The following PIP4P2 variants were observed in gnomAD, a reference collection of about 807,000 sequenced individuals.
The protein encoded by PIP4P2 is phosphatidylinositol-4,5-bisphosphate 4-phosphatase 2.
Under a neutral mutation model 33.3 loss-of-function variants are expected in PIP4P2, and 19 were observed. The ratio of observed to expected loss-of-function variants is 0.57; its 90% confidence interval spans 0.40 to 0.84. The LOEUF (loss-of-function observed/expected upper bound fraction) is 0.84, where lower values mean the gene tolerates loss of function less well. PIP4P2 is among the 40% of genes least tolerant of loss of function. PIP4P2 has a pLI of 0.00. For missense variants in PIP4P2, 270 were observed against 324.7 expected (o/e 0.83, Z 1.29); for synonymous variants, 110 against 111.9 (o/e 0.98, Z 0.11).
At chr8:91,018,935 T>A (rs1394125966) in intron 3 of PIP4P2, among the ~76,000 whole-genome samples, 1 of 152,146 alleles carries the variant, frequency 6.6e-6, no homozygotes, top group Non-Finnish European at 1.5e-5. Context: ...CTCTGAGCAG[T>A]GTGATATTCC....
chr8:91,010,114 C>A lies in PIP4P2; in HGVS notation c.487-1319G>T, dbSNP rs370615487. Among the ~76,000 whole-genome samples, 272 of 151,724 alleles carry A rather than the reference C, an allele frequency of 1.8e-3. 2 individuals carry two copies. The highest frequency in any genetic ancestry group is 0.01 in the Middle Eastern group (3 of 294). Reference sequence around the variant, plus strand: ...TAAAACTGCTCTTAAAGTAAAAATTCTTGAGTTAATGTGCTAAACAGATAT... The same window carrying A: ...TAAAACTGCTCTTAAAGTAAAAATTATTGAGTTAATGTGCTAAACAGATAT... On this transcript the variant is annotated intron_variant, in intron 4 of 6. Coordinates refer to ENST00000285419, the MANE Select transcript of PIP4P2 (RefSeq NM_018710.3).
chr8:91,031,743 T>C (rs184219121), intron 1 of PIP4P2, among the ~76,000 whole-genome samples: 186 of 152,346 alleles, frequency 1.2e-3, no homozygotes, highest in Non-Finnish European at 1.2e-4. Flanking sequence ...TTCAATATAT[T>C]ATCTTTCTCA....
chr8:91,026,417 T>C (rs1287799008), intron 1 of PIP4P2, among the ~76,000 whole-genome samples: 1 of 152,136 alleles, frequency 6.6e-6, no homozygotes, highest in Non-Finnish European at 1.5e-5. Flanking sequence ...AGAGTTTCTC[T>C]AGAGTTCAGA....
intron 6 of PIP4P2, 29 bp from the exon 7 acceptor site, chr8:90,995,849 A>G (rs374430449): frequency 7.6e-6 from 12 of 1,577,704 alleles, no homozygotes; most frequent in Non-Finnish European, 1.0e-5. Context: ...TAAAAACAAA[A>G]TATTAGAAAC....
intron 4 of PIP4P2, among the ~76,000 whole-genome samples, chr8:91,012,192 C>T (rs563973572): frequency 6.6e-6 from 1 of 152,008 alleles, no homozygotes; most frequent in Non-Finnish European, 1.5e-5. Flanking sequence ...TATTAGCATA[C>T]TCATATTATG....
At position 91,021,396 on chromosome 8, in the gene PIP4P2, G is replaced by T. The variant is rs1242573098; in HGVS notation, c.115C>A (p.Pro39Thr). The change falls in exon 2 of 7, where the codon CCA becomes ACA. Residue 39 changes from proline to threonine, a missense_variant. By Grantham distance (38) the Pro-to-Thr change is conservative. Transcript: ENST00000285419. Reference protein sequence around the residue: ...LQESSPRAELPPPYTAIASPD... With the variant: ...LQESSPRAELTPPYTAIASPD... The stretch of plus-strand genomic sequence containing the variant: ...CTGGCAATGGCTGTATATGGAGGTG[G>T]GAGCTCCGCTGAAAAGATATTAGTC... 1 of 1,613,516 alleles carries T rather than the reference G, an allele frequency of 6.2e-7. No individual in the cohort carries two copies. Among genetic ancestry groups the T allele is most frequent in the East Asian group, 2.2e-5 (1 of 44,878 alleles).
In PIP4P2 at chr8:90,996,638, A is replaced by G; in HGVS notation, c.630+16T>C. The stretch of plus-strand genomic sequence containing the variant: ...GTTGAGAGGACAGAATTCTAACATC[A>G]AAGTGTAACACTCACAGTTAACCCA... On this transcript the variant is annotated intron_variant, in intron 6 of 6. Coordinates refer to ENST00000285419, the MANE Select transcript of PIP4P2 (RefSeq NM_018710.3). The G allele has an allele frequency of 6.3e-7, 1 of 1,593,908 alleles. No homozygotes were observed. Among genetic ancestry groups the G allele is most frequent in the Non-Finnish European group, 8.6e-7 (1 of 1,168,060 alleles).
At chr8:91,037,696 T>A (rs1812250749) in intron 1 of PIP4P2, among the ~76,000 whole-genome samples, 1 of 152,232 alleles carries the variant, frequency 6.6e-6, no homozygotes, top group South Asian at 2.1e-4. Context: ...TGCCTCTGTA[T>A]AACAAATTAT....
At chr8:90,999,660 G>A (rs977244374) in intron 5 of PIP4P2, among the ~76,000 whole-genome samples, 2 of 152,036 alleles carry the variant, frequency 1.3e-5, no homozygotes, top group Non-Finnish European at 2.9e-5. Flanking sequence ...CTAATAAAAG[G>A]AAGGAGAAAA....
intron 1 of PIP4P2, among the ~76,000 whole-genome samples, chr8:91,029,358 A>C (rs1812127924): frequency 6.6e-6 from 1 of 152,046 alleles, no homozygotes; most frequent in Non-Finnish European, 1.5e-5. Flanking sequence ...TGGCACCCCC[A>C]CTGTAGCAAG....
intron 1 of PIP4P2, among the ~76,000 whole-genome samples, chr8:91,039,094 A>C (rs968029602): frequency 1.3e-5 from 2 of 152,228 alleles, no homozygotes; most frequent in Non-Finnish European, 2.9e-5. Context: ...TTATAGGACA[A>C]ATACTTAAAT....
intron 5 of PIP4P2, among the ~76,000 whole-genome samples, chr8:91,007,815 T>C (rs1270180295): frequency 6.6e-6 from 1 of 152,218 alleles, no homozygotes; most frequent in Non-Finnish European, 1.5e-5. Flanking sequence ...CAGTATGGTT[T>C]ATGCTAAACA....
chr8:91,020,296 T>A (rs767663690), intron 2 of PIP4P2, 33 bp from the exon 3 acceptor site: 4 of 1,584,454 alleles, frequency 2.5e-6, no homozygotes, highest in Non-Finnish European at 3.5e-6. Flanking sequence ...AACACAGCAA[T>A]TAACCAAAGT....
intron 5 of PIP4P2, 152 bp from the exon 6 acceptor site, chr8:90,996,896 T>C: frequency 1.6e-6 from 1 of 621,154 alleles, no homozygotes; most frequent in South Asian, 2.2e-5. Context: ...ATTAAACATG[T>C]CATTTTTAAT....
In PIP4P2 at chr8:91,008,146, A is replaced by G. The variant is rs1396128378; in HGVS notation, c.539+597T>C. ...TTCTATGAGTCCCTGTAGAAAACCA[A>G]GGAACCCTGGTGTAGTCTTGGGACC... is the stretch of plus-strand genomic sequence containing the variant. On this transcript the variant is annotated intron_variant, in intron 5 of 6. Transcript: ENST00000285419. 2.0e-5 allele frequency among the ~76,000 whole-genome samples: 3 copies of G among 152,306 alleles called. No homozygotes were observed. The East Asian group carries it at 5.8e-4, about 29-fold the overall frequency.
chr8:91,027,409 C>T (rs374666127), intron 1 of PIP4P2, among the ~76,000 whole-genome samples: 73 of 152,362 alleles, frequency 4.8e-4, no homozygotes, highest in African/African-American at 1.6e-3. Flanking sequence ...AGTTGCCTTA[C>T]AAGGGGATGA....
chr8:91,031,641 CA>C (rs1812165609), intron 1 of PIP4P2, among the ~76,000 whole-genome samples: 1 of 152,194 alleles, frequency 6.6e-6, no homozygotes, highest in Admixed American at 6.5e-5. Context: ...AATCATGCAG[CA>C]CACACATGCA....
At chr8:91,001,851 T>C (rs1007012979) in intron 5 of PIP4P2, among the ~76,000 whole-genome samples, 2 of 152,062 alleles carry the variant, frequency 1.3e-5, no homozygotes, top group East Asian at 1.9e-4. Context: ...TTGGGGGTGC[T>C]TTCCTACATA....
intron 4 of PIP4P2, among the ~76,000 whole-genome samples, chr8:91,014,938 A>G (rs1359401999): frequency 6.6e-6 from 1 of 152,154 alleles, no homozygotes; most frequent in Non-Finnish European, 1.5e-5. Context: ...AAAGCTGGGA[A>G]AAAAACAGAA....
Sources: allele counts gnomAD v4.1 joint callset (sites outside exome capture counted in the v4.1 genomes callset), GRCh38; gene constraint gnomAD v4.1.1; transcripts MANE v1.5; gene names NCBI Gene and HGNC (gene_info 2026-07-23, HGNC 2026-07-21).